TMEM232: variants seen among roughly 807,000 people sequenced by gnomAD.
The protein encoded by TMEM232 is transmembrane protein 232.
Under a neutral mutation model 78.8 loss-of-function variants are expected in TMEM232, and 80 were observed. The observed-to-expected ratio is 1.01, with a 90% CI of 0.85 to 1.22. TMEM232 has a LOEUF of 1.22. Among genes scored for constraint, TMEM232 ranks in the 50% most tolerant of loss-of-function variants. The pLI is 0.00. For synonymous variants in TMEM232, 297 were observed against 254.3 expected, an observed-to-expected ratio of 1.17 and a Z score of -1.60; for missense variants, 881 against 742.2, an observed-to-expected ratio of 1.19 and a Z score of -2.17.
intron 12 of TMEM232, among the ~76,000 whole-genome samples, chr5:110,512,865 T>C (rs1172476351): frequency 7.2e-5 from 11 of 152,228 alleles, no homozygotes; most frequent in Admixed American, 6.5e-5. Context: ...ATTTGAAATA[T>C]AGAATACTTT....
chr5:110,543,013 A>G (rs1163137277), intron 11 of TMEM232, among the ~76,000 whole-genome samples: 2 of 152,126 alleles, frequency 1.3e-5, no homozygotes, highest in African/African-American at 2.4e-5. Context: ...CCACCCTGGG[A>G]AGTGTACTTT....
upstream of TMEM232, among the ~76,000 whole-genome samples, chr5:110,727,566 GC>G (rs1432860423): frequency 1.3e-5 from 2 of 151,996 alleles, no homozygotes; most frequent in African/African-American, 4.8e-5. Flanking sequence ...CCGAGATCAT[GC>G]CACTGCACCC....
At chr5:110,574,161 A>G (rs1317183300) in intron 10 of TMEM232, among the ~76,000 whole-genome samples, 1 of 152,068 alleles carries the variant, frequency 6.6e-6, no homozygotes, top group Admixed American at 6.6e-5. Context: ...TATAAGCTTC[A>G]TGTTCTACAT....
At chr5:110,481,824 C>A (rs1436198983) in intron 12 of TMEM232, among the ~76,000 whole-genome samples, 1 of 152,056 alleles carries the variant, frequency 6.6e-6, no homozygotes, top group Non-Finnish European at 1.5e-5. Flanking sequence ...GCTGTGGAAC[C>A]AGTAAGTATA....
chr5:110,644,442 A>G (rs1486063830), intron 2 of TMEM232, among the ~76,000 whole-genome samples: 2 of 151,866 alleles, frequency 1.3e-5, no homozygotes, highest in South Asian at 2.1e-4. Context: ...TCAGAGATGC[A>G]TGATGAAAAA....
chr5:110,528,408 A>G (rs1050302104), intron 12 of TMEM232, among the ~76,000 whole-genome samples, 180 bp downstream of exon 12: 1 of 151,970 alleles, frequency 6.6e-6, no homozygotes, highest in African/African-American at 2.4e-5. Flanking sequence ...AATATGAAAA[A>G]AGAGTTTCTG....
At chr5:110,728,857 T>TA (rs1798405749), upstream of TMEM232, among the ~76,000 whole-genome samples, 3 of 148,730 alleles carry the variant, frequency 2.0e-5, no homozygotes, top group Admixed American at 2.0e-4. Flanking sequence ...TTCTGCTTTT[T>TA]TTTTTTTTAC....
At chr5:110,627,578 A>G (rs1010745980) in intron 6 of TMEM232, among the ~76,000 whole-genome samples, 4 of 152,100 alleles carry the variant, frequency 2.6e-5, no homozygotes, top group African/African-American at 9.7e-5. Flanking sequence ...TGTTCTCACC[A>G]CAAAGAAATA....
intron 1 of TMEM232, among the ~76,000 whole-genome samples, chr5:110,706,480 G>A (rs1795942828): frequency 6.6e-6 from 1 of 152,088 alleles, no homozygotes; most frequent in South Asian, 2.1e-4. Context: ...GTCACAAAAG[G>A]AATACAACTC....
At chr5:110,547,366 C>G (rs901727019) in intron 11 of TMEM232, among the ~76,000 whole-genome samples, 1 of 152,136 alleles carries the variant, frequency 6.6e-6, no homozygotes, top group African/African-American at 2.4e-5. Context: ...GGCCTAACAA[C>G]TGAGTCACAA....
At chr5:110,585,577 C>T (rs1222526150) in intron 10 of TMEM232, among the ~76,000 whole-genome samples, 2 of 152,092 alleles carry the variant, frequency 1.3e-5, no homozygotes, top group African/African-American at 2.4e-5. Flanking sequence ...TAAAAGTGGG[C>T]AGTCTTAGAA....
At chr5:110,655,724 C>T (rs1788945763) in intron 2 of TMEM232, among the ~76,000 whole-genome samples, 1 of 151,344 alleles carries the variant, frequency 6.6e-6, no homozygotes, top group Non-Finnish European at 1.5e-5. Context: ...TACTATGCAG[C>T]CATAAAAAGT....
chr5:110,473,075 C>T (rs951756723), intron 12 of TMEM232, among the ~76,000 whole-genome samples: 53 of 147,442 alleles, frequency 3.6e-4, no homozygotes, highest in African/African-American at 1.2e-3. Context: ...AAAAAAAGGA[C>T]AAATAAGATT....
intron 8 of TMEM232, among the ~76,000 whole-genome samples, chr5:110,607,485 A>T (rs1045730244): frequency 1.3e-5 from 2 of 152,026 alleles, no homozygotes; most frequent in African/African-American, 2.4e-5. Flanking sequence ...TCAAAATGGC[A>T]ATATGCTCAA....
At chr5:110,702,857 G>T (rs1795568413) in intron 1 of TMEM232, among the ~76,000 whole-genome samples, 1 of 151,914 alleles carries the variant, frequency 6.6e-6, no homozygotes, top group Non-Finnish European at 1.5e-5. Flanking sequence ...TTGTCATTTG[G>T]CCAAAAAACA....
intron 2 of TMEM232, among the ~76,000 whole-genome samples, chr5:110,651,903 C>T (rs1314029966): frequency 1.3e-5 from 2 of 152,078 alleles, no homozygotes; most frequent in African/African-American, 4.8e-5. Flanking sequence ...TTAATGTACC[C>T]GCCTTATATT....
chr5:110,651,727 C>A (rs1788335154), intron 2 of TMEM232, among the ~76,000 whole-genome samples: 1 of 151,872 alleles, frequency 6.6e-6, no homozygotes, highest in African/African-American at 2.4e-5. Context: ...GAATGTGTGG[C>A]AAAATGACAG....
intron 1 of TMEM232, among the ~76,000 whole-genome samples, chr5:110,702,964 A>T (rs986629137): frequency 6.6e-6 from 1 of 152,094 alleles, no homozygotes; most frequent in Non-Finnish European, 1.5e-5. Context: ...TGGACAATCT[A>T]GCAAACATAG....
chr5:110,397,140 T>C (rs1162024593), intron 3 of TMEM232, among the ~76,000 whole-genome samples: 1 of 152,192 alleles, frequency 6.6e-6, no homozygotes, highest in East Asian at 1.9e-4. Context: ...AATCTGTCAC[T>C]GGACCTTGGA....
Sources: gnomAD v4.1 joint callset for allele counts (sites outside exome capture counted in the v4.1 genomes callset) on GRCh38, gnomAD v4.1.1 for gene constraint, MANE v1.5 for transcripts, NCBI Gene and HGNC (gene_info 2026-07-23, HGNC 2026-07-21) for gene names.